Variants in ZMAT4 observed in about 807,000 individuals in gnomAD.
ZMAT4 encodes zinc finger matrin-type protein 4.
In ZMAT4, 17 loss-of-function variants were observed where a neutral mutation model predicts 28.7. The ratio of observed to expected loss-of-function variants is 0.59; its 90% CI spans 0.41 to 0.89. ZMAT4 has a LOEUF of 0.89. Among genes scored for constraint, ZMAT4 ranks in the 40% least tolerant of loss-of-function variants. ZMAT4 has a pLI of 0.00. For synonymous variants in ZMAT4, 117 were observed against 109.2 expected (o/e 1.07, Z -0.44); for missense variants, 240 against 283.8 (o/e 0.85, Z 1.11).
intron 1 of ZMAT4, among the ~76,000 whole-genome samples, chr8:40,857,291 C>T (rs1206911275): frequency 6.6e-6 from 1 of 152,016 alleles, no homozygotes; most frequent in Non-Finnish European, 1.5e-5. Flanking sequence ...GAGGTGAAGG[C>T]TGCAGTGAGC....
chr8:40,699,708 T>C (rs914225861), intron 3 of ZMAT4, among the ~76,000 whole-genome samples: 1 of 152,184 alleles, frequency 6.6e-6, no homozygotes, highest in African/African-American at 2.4e-5. Flanking sequence ...AAAGTGAGTG[T>C]TTGAATTATA....
rs192705863 is a variant in ZMAT4 at position 40,536,850 on chromosome 8, C to A, written c.675-4612G>T. Among the ~76,000 whole-genome samples, 91 of 151,384 alleles carry A rather than the reference C, an allele frequency of 6.0e-4. 2 individuals are homozygous for A. The Middle Eastern group carries it at 0.01, about 17-fold the overall frequency. On this transcript the variant is annotated intron_variant, in intron 6 of 6. Coordinates refer to ENST00000297737, the MANE Select transcript of ZMAT4 (RefSeq NM_024645.3). ...ACTGCTGTGCTTAAGACAAGGGGCA[C>A]AAGGTGTCTTGCTTCTGAAAAGGGT...
intron 3 of ZMAT4, among the ~76,000 whole-genome samples, chr8:40,729,591 TTCTTTC>T (rs1811447221): frequency 7.1e-6 from 1 of 139,876 alleles, no homozygotes; most frequent in Non-Finnish European, 1.6e-5. Flanking sequence ...ACTTCTTTCT[TTCTTTC>T]TTTTTTTTTT....
At chr8:40,692,951 A>T (rs1221201761) in intron 4 of ZMAT4, among the ~76,000 whole-genome samples, 2 of 152,124 alleles carry the variant, frequency 1.3e-5, no homozygotes, top group Non-Finnish European at 2.9e-5. Context: ...CCAGCAGTTA[A>T]CTGGAGTTTG....
chr8:40,701,343 T>C (rs183217249), intron 3 of ZMAT4, among the ~76,000 whole-genome samples: 4 of 152,100 alleles, frequency 2.6e-5, no homozygotes, highest in Admixed American at 6.5e-5. Flanking sequence ...TACCTGACAA[T>C]AGAGGGGCTG....
chr8:40,824,745 A>C (rs146107272), intron 2 of ZMAT4, among the ~76,000 whole-genome samples: 1 of 145,514 alleles, frequency 6.9e-6, no homozygotes, highest in East Asian at 2.0e-4. Flanking sequence ...GAAAGAAAGA[A>C]AAGAAAAAAA....
chr8:40,803,558 A>G (rs1814946748), intron 2 of ZMAT4, among the ~76,000 whole-genome samples: 1 of 152,162 alleles, frequency 6.6e-6, no homozygotes, highest in Non-Finnish European at 1.5e-5. Flanking sequence ...TACATATTAC[A>G]ATGGCCAAAA....
In ZMAT4 at chr8:40,647,432, C is replaced by T. The variant is rs551853029; in HGVS notation, c.577+27272G>A. Among the ~76,000 whole-genome samples the T allele has an allele frequency of 5.1e-4, 77 of 152,292 alleles. No individual in the cohort carries two copies. The South Asian group carries it at 0.015, about 30-fold the overall frequency. On this transcript the variant is annotated intron_variant, in intron 5 of 6. Coordinates refer to ENST00000297737, the MANE Select transcript of ZMAT4 (RefSeq NM_024645.3). ...CCTGGCTCGGAGGGTCCTACACCCA[C>T]GGAGTCTAGCTGATTGCTAGCACAG...
At chr8:40,627,836 G>A (rs1364557723) in intron 5 of ZMAT4, among the ~76,000 whole-genome samples, 2 of 152,076 alleles carry the variant, frequency 1.3e-5, no homozygotes, top group Non-Finnish European at 2.9e-5. Flanking sequence ...AGAATCCTTT[G>A]AGGGGATGGG....
chr8:40,866,139 C>G (rs1170366313), intron 1 of ZMAT4, among the ~76,000 whole-genome samples: 2 of 152,208 alleles, frequency 1.3e-5, no homozygotes, highest in African/African-American at 2.4e-5. Flanking sequence ...GAAAGTGATT[C>G]CTTAAAGTTC....
chr8:40,606,814 T>A (rs1167180359), intron 5 of ZMAT4, among the ~76,000 whole-genome samples: 1 of 152,224 alleles, frequency 6.6e-6, no homozygotes, highest in African/African-American at 2.4e-5. Flanking sequence ...ACTTTTAGAT[T>A]TCTCTTCTTC....
At chr8:40,571,161 G>A (rs759066739) in intron 6 of ZMAT4, among the ~76,000 whole-genome samples, 4 of 152,010 alleles carry the variant, frequency 2.6e-5, no homozygotes, top group Non-Finnish European at 4.4e-5. Flanking sequence ...AAGTGTCATC[G>A]GTAATTCTAG....
intron 5 of ZMAT4, among the ~76,000 whole-genome samples, chr8:40,599,399 A>G (rs1371765236): frequency 6.6e-6 from 1 of 152,078 alleles, no homozygotes; most frequent in Non-Finnish European, 1.5e-5. Context: ...GTGTGTGTAT[A>G]TATATGTGTG....
intron 1 of ZMAT4, among the ~76,000 whole-genome samples, chr8:40,881,602 AG>A (rs1326559858): frequency 7.1e-6 from 1 of 140,484 alleles, no homozygotes; most frequent in Non-Finnish European, 1.6e-5. Flanking sequence ...AAGAAAGAAA[AG>A]AAAAGAAAAG....
intron 1 of ZMAT4, among the ~76,000 whole-genome samples, chr8:40,886,415 A>G (rs1205795842): frequency 6.6e-6 from 1 of 152,218 alleles, no homozygotes; most frequent in Non-Finnish European, 1.5e-5. Flanking sequence ...TCCTGGCTGC[A>G]GCCCAGGAAG....
At chr8:40,715,951 C>T (rs990594388) in intron 3 of ZMAT4, among the ~76,000 whole-genome samples, 1 of 152,212 alleles carries the variant, frequency 6.6e-6, no homozygotes, top group African/African-American at 2.4e-5. Flanking sequence ...CCTATAAGCG[C>T]CTGTGGTTTT....
intron 5 of ZMAT4, among the ~76,000 whole-genome samples, chr8:40,643,852 G>T (rs554233581): frequency 6.7e-6 from 1 of 149,946 alleles, no homozygotes; most frequent in South Asian, 2.1e-4. Flanking sequence ...AGGCTCATAA[G>T]AAATGAAAAT....
intron 1 of ZMAT4, among the ~76,000 whole-genome samples, chr8:40,846,943 A>T (rs1816923954): frequency 6.6e-6 from 1 of 152,196 alleles, no homozygotes; most frequent in Non-Finnish European, 1.5e-5. Context: ...ACAGTGGCTC[A>T]TGCCTGTAAT....
intron 3 of ZMAT4, among the ~76,000 whole-genome samples, chr8:40,700,898 C>T (rs1810114374): frequency 6.6e-6 from 1 of 152,204 alleles, no homozygotes; most frequent in Non-Finnish European, 1.5e-5. Context: ...GAAACTGTCT[C>T]ATTGATAGTG....
Sources: allele counts gnomAD v4.1 joint callset (sites outside exome capture counted in the v4.1 genomes callset), GRCh38; gene constraint gnomAD v4.1.1; transcripts MANE v1.5; gene names NCBI Gene and HGNC (gene_info 2026-07-23, HGNC 2026-07-21).